Variants in TNFRSF21 observed in about 807,000 individuals in gnomAD.
TNFRSF21 encodes the protein TNF receptor superfamily member 21, also known as tumor necrosis factor receptor superfamily member 21.
Under a neutral mutation model 45.6 loss-of-function variants are expected in TNFRSF21, and 19 were observed. The ratio of observed to expected loss-of-function variants is 0.42; its 90% CI spans 0.29 to 0.61. TNFRSF21 has a LOEUF of 0.61. Ranked by LOEUF, TNFRSF21 falls within the 20% of genes least tolerant of loss-of-function variation. TNFRSF21 has a pLI of 0.23. For missense variants in TNFRSF21, 737 were observed against 851.5 expected (o/e 0.87, Z 1.67); for synonymous variants, 314 against 335.5 (o/e 0.94, Z 0.70).
At chr6:47,263,111 G>T (rs1765095952) in intron 3 of TNFRSF21, among the ~76,000 whole-genome samples, 1 of 152,106 alleles carries the variant, frequency 6.6e-6, no homozygotes, top group African/African-American at 2.4e-5. Context: ...CATGTATTTT[G>T]AAGGTAGAGC....
At chr6:47,257,262 A>C (rs1380843516) in intron 3 of TNFRSF21, among the ~76,000 whole-genome samples, 1 of 152,192 alleles carries the variant, frequency 6.6e-6, no homozygotes, top group Admixed American at 6.5e-5. Flanking sequence ...GATACAATGA[A>C]ATTTCCCTAA....
chr6:47,265,091 A>C (rs1582332610), intron 3 of TNFRSF21, among the ~76,000 whole-genome samples: 1 of 152,170 alleles, frequency 6.6e-6, no homozygotes, highest in East Asian at 1.9e-4. Context: ...GTGATGAGAA[A>C]AACACCAAGT....
chr6:47,265,823 G>A (rs1762325026), intron 3 of TNFRSF21, among the ~76,000 whole-genome samples: 1 of 152,170 alleles, frequency 6.6e-6, no homozygotes, highest in African/African-American at 2.4e-5. Context: ...TCTTGCCTAT[G>A]CCGGTAGTAG....
rs561674131 is a variant in TNFRSF21, at chr6:47,243,276, G to C, written c.1510-8378C>G. Among the ~76,000 whole-genome samples, 50 of 152,244 alleles carry C rather than the reference G, an allele frequency of 3.3e-4. 1 individual carries two copies. Among genetic ancestry groups the C allele is most frequent in the African/African-American group, 9.6e-4 (40 of 41,542 alleles). On this transcript the variant is annotated intron_variant, in intron 4 of 5. Transcript: ENST00000296861. ...GTCACAATATACTCTTCCAGAGATA[G>C]AGACAGTCTATACTTATACCAATAA...
intron 4 of TNFRSF21, among the ~76,000 whole-genome samples, chr6:47,244,396 T>A (rs182900521): frequency 4.2e-4 from 64 of 152,166 alleles, no homozygotes; most frequent in African/African-American, 1.4e-3. Flanking sequence ...ACTGCACATT[T>A]TTTTTCTTAA....
chr6:47,296,984 G>T (rs1762798033), intron 1 of TNFRSF21, among the ~76,000 whole-genome samples: 1 of 152,198 alleles, frequency 6.6e-6, no homozygotes, highest in Admixed American at 6.5e-5. Context: ...TTTACAGTCG[G>T]TCAGGCCGAA....
intron 3 of TNFRSF21, among the ~76,000 whole-genome samples, chr6:47,282,537 C>G (rs1762584433): frequency 6.6e-6 from 1 of 152,016 alleles, no homozygotes; most frequent in African/African-American, 2.4e-5. Flanking sequence ...ACTTTTTTAA[C>G]TTTTTCTAAA....
At chr6:47,247,761 T>TAG (rs1355854345) in intron 4 of TNFRSF21, among the ~76,000 whole-genome samples, 5 of 151,528 alleles carry the variant, frequency 3.3e-5, no homozygotes, top group East Asian at 3.9e-4. Flanking sequence ...TCTACTATAG[T>TAG]AGAGAGAGAG....
At chr6:47,295,640 T>C (rs1489387527) in intron 1 of TNFRSF21, among the ~76,000 whole-genome samples, 1 of 152,140 alleles carries the variant, frequency 6.6e-6, no homozygotes, top group African/African-American at 2.4e-5. Flanking sequence ...ACATTAAATG[T>C]GTAATATCAA....
chr6:47,309,112 G>T (rs569735437), intron 1 of TNFRSF21, among the ~76,000 whole-genome samples: 2 of 152,138 alleles, frequency 1.3e-5, no homozygotes. Context: ...CGAGTAGGGG[G>T]AAAAGCCCTC....
intron 3 of TNFRSF21, among the ~76,000 whole-genome samples, chr6:47,276,272 T>C (rs1762497425): frequency 6.6e-6 from 1 of 152,122 alleles, no homozygotes; most frequent in African/African-American, 2.4e-5. Flanking sequence ...CGACATCTGT[T>C]AGGAGATGGA....
chr6:47,277,254 A>C (rs1561947092), intron 3 of TNFRSF21, among the ~76,000 whole-genome samples: 1 of 152,240 alleles, frequency 6.6e-6, no homozygotes, highest in African/African-American at 2.4e-5. Context: ...CGGCCTCCAA[A>C]GTGCTGGGAT....
chr6:47,293,011 G>A (rs1191689492), intron 1 of TNFRSF21, among the ~76,000 whole-genome samples: 1 of 152,162 alleles, frequency 6.6e-6, no homozygotes, highest in Non-Finnish European at 1.5e-5. Context: ...CCCTCTAAGT[G>A]TTTACAATTA....
chr6:47,284,506 T>C, intron 2 of TNFRSF21, 74 bp from the exon 3 acceptor site: 3 of 1,442,942 alleles, frequency 2.1e-6, no homozygotes, highest in African/African-American at 2.8e-5. Context: ...CTTTCCCTGG[T>C]CATCTCCAAG....
At chr6:47,245,440 G>GTA (rs1764809697) in intron 4 of TNFRSF21, among the ~76,000 whole-genome samples, 1 of 145,234 alleles carries the variant, frequency 6.9e-6, no homozygotes, top group Non-Finnish European at 1.5e-5. Context: ...GTGTGTGTGT[G>GTA]TGTGTGTGTG....
At chr6:47,261,938 T>G (rs1348809176) in intron 3 of TNFRSF21, among the ~76,000 whole-genome samples, 1 of 152,250 alleles carries the variant, frequency 6.6e-6, no homozygotes, top group Non-Finnish European at 1.5e-5. Flanking sequence ...CACAGGAAAC[T>G]GCTTTATTAG....
intron 1 of TNFRSF21, among the ~76,000 whole-genome samples, chr6:47,295,538 G>A (rs922013183): frequency 6.6e-6 from 1 of 152,188 alleles, no homozygotes; most frequent in African/African-American, 2.4e-5. Context: ...TCCTGAGATG[G>A]TGAATCTAAA....
In TNFRSF21 at chr6:47,268,400, G is replaced by A. The variant is rs376340024; in HGVS notation, c.1244-14879C>T. On this transcript the variant is annotated intron_variant, in intron 3 of 5. Transcript: ENST00000296861. ...AGGAGCTTTCATATAGATTTATCCT[G>A]GACAAGAACATTTTCAAGTAAAACT... 5.3e-5 allele frequency among the ~76,000 whole-genome samples: 8 copies of A among 152,114 alleles called. No individual in the cohort carries two copies. The East Asian group carries it at 9.6e-4, about 18-fold the overall frequency.
chr6:47,283,817 G>T, intron 3 of TNFRSF21, 121 bp downstream of exon 3: 1 of 1,245,036 alleles, frequency 8.0e-7, no homozygotes, highest in Middle Eastern at 2.9e-4. Context: ...ACTAGATCAA[G>T]TAGTGTTTGG....
Sources: allele counts gnomAD v4.1 joint callset (sites outside exome capture counted in the v4.1 genomes callset), GRCh38; gene constraint gnomAD v4.1.1; transcripts MANE v1.5; gene names NCBI Gene and HGNC (gene_info 2026-07-23, HGNC 2026-07-21).